Variants in MPP7 observed in about 807,000 individuals in gnomAD.
MPP7 encodes the protein MAGUK p55 scaffold protein 7.
MPP7 carries 60 observed loss-of-function variants against 76.5 expected under a neutral mutation model. That is an observed-to-expected ratio of 0.78 (90% CI 0.64 to 0.97). MPP7 has a LOEUF of 0.97. Among genes scored for constraint, MPP7 ranks in the 50% least tolerant of loss-of-function variants. The pLI is 0.00. For synonymous variants in MPP7, 237 were observed against 244.5 expected, an observed-to-expected ratio of 0.97 and a Z score of 0.29; for missense variants, 641 against 694.0, an observed-to-expected ratio of 0.92 and a Z score of 0.86.
At chr10:28,115,478 A>G (rs567996801) in intron 11 of MPP7, among the ~76,000 whole-genome samples, 1 of 152,328 alleles carries the variant, frequency 6.6e-6, no homozygotes, top group South Asian at 2.1e-4. Context: ...AATGTTTGAC[A>G]ATGTTTTAGA....
At chr10:28,163,089 G>A (rs575861959) in intron 3 of MPP7, among the ~76,000 whole-genome samples, 9 of 152,232 alleles carry the variant, frequency 5.9e-5, no homozygotes, top group African/African-American at 1.7e-4. Flanking sequence ...GGAGAAAGAC[G>A]TCTTGAGGGT....
chr10:28,183,497 TTTA>T (rs1442467140), intron 3 of MPP7, among the ~76,000 whole-genome samples: 2 of 152,076 alleles, frequency 1.3e-5, no homozygotes, highest in African/African-American at 4.8e-5. Context: ...AGAAGAAAAG[TTTA>T]TTAAGAGGCC....
chr10:28,201,328 T>C (rs918688392), intron 3 of MPP7, among the ~76,000 whole-genome samples: 39 of 152,192 alleles, frequency 2.6e-4, no homozygotes, highest in African/African-American at 8.9e-4. Context: ...CCTCTTATCA[T>C]GACAGGCAGC....
chr10:28,069,305 C>G (rs1163546997), intron 13 of MPP7, among the ~76,000 whole-genome samples: 1 of 152,042 alleles, frequency 6.6e-6, no homozygotes, highest in Non-Finnish European at 1.5e-5. Flanking sequence ...GCATTTCATG[C>G]CTGTATCAAA....
chr10:28,162,320 C>A (rs12254584), intron 3 of MPP7, among the ~76,000 whole-genome samples: 24,554 of 152,012 alleles, frequency 0.16, 2,308 homozygotes, highest in East Asian at 0.37. Context: ...CAGAATCCCA[C>A]TGAAATAACC....
rs35378187 is a variant in MPP7, at chr10:28,121,812, T to TAA, written c.616-1146_616-1145dup. On this transcript the variant is annotated intron_variant, in intron 8 of 16. Coordinates refer to ENST00000683449, the MANE Select transcript of MPP7 (RefSeq NM_001318170.2). ...CTGGTAAACCAGGACTCCATTTATT[T>TAA]AAAAAAAAAAAAAGGCTCTGATGTG... Among the ~76,000 whole-genome samples the TAA allele has an allele frequency of 5.8e-4, 85 of 145,374 alleles. No homozygotes were observed. In the South Asian group the frequency reaches 0.011, roughly 18 times the overall value.
chr10:28,262,277 A>ATATT (rs1564741785), intron 1 of MPP7, among the ~76,000 whole-genome samples: 2 of 54,352 alleles, frequency 3.7e-5, no homozygotes, highest in African/African-American at 1.7e-4. Flanking sequence ...ATATATATAT[A>ATATT]TTTTTTTTTT....
rs141339037 is a variant in MPP7 at position 28,062,656 on chromosome 10, T to C, written c.1205-2913A>G. 3.8e-3 allele frequency among the ~76,000 whole-genome samples: 572 copies of C among 151,218 alleles called. 3 individuals are homozygous for C. The highest frequency in any genetic ancestry group is 0.01 in the Middle Eastern group (3 of 294). On this transcript the variant is annotated intron_variant, in intron 13 of 16. Coordinates refer to ENST00000683449, the MANE Select transcript of MPP7 (RefSeq NM_001318170.2). ...AGAATAATGGCAGACAAAACAATCA[T>C]CTCAACGTATGCAAAGAAAGCATTT...
intron 12 of MPP7, among the ~76,000 whole-genome samples, chr10:28,077,810 G>A (rs1405623602): frequency 6.6e-6 from 1 of 152,190 alleles, no homozygotes; most frequent in Non-Finnish European, 1.5e-5. Flanking sequence ...ATAAAGCGAA[G>A]AAGAGAACAG....
At chr10:28,060,506 A>C (rs528560014) in intron 13 of MPP7, among the ~76,000 whole-genome samples, 1 of 152,240 alleles carries the variant, frequency 6.6e-6, no homozygotes, top group African/African-American at 2.4e-5. Context: ...TTTGAAAATA[A>C]GTAAAGCAGG....
chr10:28,232,284 T>C (rs1031777028), intron 2 of MPP7, among the ~76,000 whole-genome samples: 35 of 151,630 alleles, frequency 2.3e-4, no homozygotes, highest in Non-Finnish European at 5.0e-4. Context: ...ATCCTAGGAG[T>C]TTGAGGCTGC....
chr10:28,133,880 T>C (rs1490162541), intron 5 of MPP7, among the ~76,000 whole-genome samples: 1 of 152,172 alleles, frequency 6.6e-6, no homozygotes, highest in African/African-American at 2.4e-5. Context: ...CTGTTACTTA[T>C]GGTAGAAGGA....
intron 2 of MPP7, among the ~76,000 whole-genome samples, chr10:28,232,358 AACACACACACACAC>A (rs3064135): frequency 1.4e-5 from 2 of 147,358 alleles, no homozygotes; most frequent in Non-Finnish European, 3.0e-5. Context: ...TGTCTCTTAA[AACACACACACACAC>A]ACACACACAC....
intron 2 of MPP7, among the ~76,000 whole-genome samples, chr10:28,313,372 G>T (rs577510057): frequency 2.4e-4 from 36 of 152,232 alleles, no homozygotes; most frequent in African/African-American, 7.9e-4. Context: ...TGGGCGTGGT[G>T]ACACACACCT....
intron 11 of MPP7, among the ~76,000 whole-genome samples, chr10:28,108,544 C>T (rs1834397731): frequency 6.6e-6 from 1 of 151,888 alleles, no homozygotes; most frequent in South Asian, 2.1e-4. Flanking sequence ...GTAGTCCAAG[C>T]TACTTGCGAG....
chr10:28,188,863 T>C (rs933830032), intron 3 of MPP7, among the ~76,000 whole-genome samples: 2 of 151,888 alleles, frequency 1.3e-5, no homozygotes, highest in Non-Finnish European at 2.9e-5. Flanking sequence ...CCGTATCTAA[T>C]GGAATTACAC....
upstream of MPP7, chr10:28,307,502 C>T (rs890169131): frequency 6.6e-6 from 1 of 152,082 alleles, no homozygotes; most frequent in Non-Finnish European, 1.5e-5. Context: ...AGGACAGAGG[C>T]GTGAAGGGAA....
intron 12 of MPP7, among the ~76,000 whole-genome samples, chr10:28,075,254 T>C (rs1852432629): frequency 6.6e-6 from 1 of 151,994 alleles, no homozygotes; most frequent in African/African-American, 2.4e-5. Context: ...CATTTCAACA[T>C]GAAATTTGGG....
chr10:28,316,977 G>A (rs1454388124), intron 2 of MPP7, among the ~76,000 whole-genome samples: 2 of 152,146 alleles, frequency 1.3e-5, no homozygotes, highest in African/African-American at 4.8e-5. Flanking sequence ...GGAGAATCCT[G>A]CTGCTGTACC....
Sources: gnomAD v4.1 joint callset for allele counts (sites outside exome capture counted in the v4.1 genomes callset) on GRCh38, gnomAD v4.1.1 for gene constraint, MANE v1.5 for transcripts, NCBI Gene and HGNC (gene_info 2026-07-23, HGNC 2026-07-21) for gene names.